CAPN9: variants seen among roughly 807,000 people sequenced by gnomAD.
The protein encoded by CAPN9 is calpain 9.
CAPN9 carries 81 observed loss-of-function variants against 92.8 expected under a neutral mutation model. The observed-to-expected ratio is 0.87, with a 90% CI of 0.73 to 1.05. The LOEUF (loss-of-function observed/expected upper bound fraction) is 1.05. Among genes scored for constraint, CAPN9 ranks in the 50% least tolerant of loss-of-function variants. CAPN9 has a pLI of 0.00. For synonymous variants in CAPN9, 304 were observed against 328.0 expected (o/e 0.93, Z 0.79); for missense variants, 848 against 866.2 (o/e 0.98, Z 0.26).
chr1:230,782,725 G>C (rs1460878053), intron 11 of CAPN9, among the ~76,000 whole-genome samples: 1 of 152,104 alleles, frequency 6.6e-6, no homozygotes, highest in Non-Finnish European at 1.5e-5. Flanking sequence ...GCTTCAAAAG[G>C]TGGTCTTTAG....
intron 6 of CAPN9, among the ~76,000 whole-genome samples, chr1:230,769,835 G>T (rs4847016): frequency 0.27 from 41,589 of 152,016 alleles, 6,149 homozygotes; most frequent in Non-Finnish European, 0.34. Flanking sequence ...CCTTTACAAT[G>T]ACCCAGTTCC....
At chr1:230,788,438 G>T (rs1302450027) in intron 13 of CAPN9, among the ~76,000 whole-genome samples, 1 of 152,124 alleles carries the variant, frequency 6.6e-6, no homozygotes, top group Non-Finnish European at 1.5e-5. Context: ...TGCCCCAGAG[G>T]TGCTCTCTTG....
chr1:230,771,965 C>T, intron 6 of CAPN9, 49 bp from the exon 7 acceptor site: 1 of 1,509,324 alleles, frequency 6.6e-7, no homozygotes, highest in Non-Finnish European at 9.2e-7. Flanking sequence ...GTGGCCAAAC[C>T]TCCACCATAT....
At chr1:230,755,491 C>T (rs562231254) in intron 2 of CAPN9, 85 bp downstream of exon 2, 1 of 1,051,880 alleles carries the variant, frequency 9.5e-7, no homozygotes, top group Non-Finnish European at 1.4e-6. Context: ...TCCCTGAGGA[C>T]CCAAGAGGCA....
chr1:230,796,857 T>G (rs1668391878), intron 18 of CAPN9, among the ~76,000 whole-genome samples: 1 of 152,202 alleles, frequency 6.6e-6, no homozygotes, highest in Non-Finnish European at 1.5e-5. Flanking sequence ...TAGAGGAATA[T>G]TAGGGTGAAG....
chr1:230,773,847 C>T (rs1253808250), intron 7 of CAPN9, among the ~76,000 whole-genome samples: 3 of 152,152 alleles, frequency 2.0e-5, no homozygotes, highest in South Asian at 2.1e-4. Flanking sequence ...GCTGTAGCAC[C>T]GCAACAGTGG....
At chr1:230,800,231 GAAGAAAGAAAGA>G (rs56677043) in intron 19 of CAPN9, among the ~76,000 whole-genome samples, 2,074 of 51,332 alleles carry the variant, frequency 0.04, 48 homozygotes, top group African/African-American at 0.05. Flanking sequence ...AAGAAAGAAA[GAAGAAAGAAAGA>G]AAGAAAGAAA....
intron 7 of CAPN9, among the ~76,000 whole-genome samples, chr1:230,773,059 A>G (rs1464049188): frequency 1.3e-5 from 2 of 152,112 alleles, no homozygotes; most frequent in East Asian, 3.9e-4. Flanking sequence ...AAGCTAGTCT[A>G]GAACTTGGTT....
intron 12 of CAPN9, 98 bp from the exon 13 acceptor site, chr1:230,787,423 TG>T: frequency 1.1e-6 from 1 of 946,208 alleles, no homozygotes; most frequent in Non-Finnish European, 1.7e-6. Context: ...GAGGGTGACA[TG>T]GGGCTGGGCA....
intron 1 of CAPN9, among the ~76,000 whole-genome samples, chr1:230,749,673 T>C (rs925660499): frequency 2.0e-5 from 3 of 152,162 alleles, no homozygotes; most frequent in Non-Finnish European, 4.4e-5. Context: ...GCACTTGATA[T>C]GAAAAGGTTG....
intron 3 of CAPN9, among the ~76,000 whole-genome samples, chr1:230,761,806 G>A (rs1483336974): frequency 6.6e-6 from 1 of 152,162 alleles, no homozygotes; most frequent in Non-Finnish European, 1.5e-5. Context: ...GATACACAGA[G>A]AAACTACCAT....
chr1:230,797,361 A>G (rs12139410), intron 18 of CAPN9, among the ~76,000 whole-genome samples: 82,145 of 151,958 alleles, frequency 0.54, 22,532 homozygotes, highest in Middle Eastern at 0.6. Context: ...TCTTCATACC[A>G]TTTGCACACC....
At chr1:230,791,758 G>A in intron 14 of CAPN9, 106 bp from the exon 15 acceptor site, 5 of 777,592 alleles carry the variant, frequency 6.4e-6, no homozygotes, top group Non-Finnish European at 1.1e-5. Context: ...CCACATCACA[G>A]CCCCCAACAG....
chr1:230,760,957 T>C (rs1055147643), intron 3 of CAPN9, among the ~76,000 whole-genome samples: 7 of 152,174 alleles, frequency 4.6e-5, no homozygotes, highest in African/African-American at 7.2e-5. Context: ...CCCTTGAATG[T>C]CACAGCTGGG....
chr1:230,778,854 C>G, intron 8 of CAPN9, 119 bp from the exon 9 acceptor site: 1 of 935,786 alleles, frequency 1.1e-6, no homozygotes, highest in Non-Finnish European at 1.6e-6. Context: ...AGTCCCCCCA[C>G]TCCTTGCGGA....
At chr1:230,801,528 T>A in intron 19 of CAPN9, 42 bp from the exon 20 acceptor site, 1 of 1,607,112 alleles carries the variant, frequency 6.2e-7, no homozygotes, top group Non-Finnish European at 8.5e-7. Context: ...GGAAGGGACA[T>A]GGAAGGACAA....
Position 230,795,166 on chromosome 1 carries a change from T to G in CAPN9, c.1874T>G (p.Phe625Cys). The G allele has an allele frequency of 6.2e-7, 1 of 1,608,042 alleles. No individual in the cohort carries two copies. Among genetic ancestry groups the G allele is most frequent in the Non-Finnish European group, 8.5e-7 (1 of 1,175,248 alleles). Reference sequence around the variant, plus strand: ...GTCTCCTCCTTTGTCCCCACAGGCTTTCAGCTGAGCAGCCACCTCCTGCAG... The same window carrying G: ...GTCTCCTCCTTTGTCCCCACAGGCTGTCAGCTGAGCAGCCACCTCCTGCAG... ...ELRTALKAAG[F>C]QLSSHLLQLI... is the part of the protein sequence containing the mutation. The change falls in exon 18 of 20, where the codon TTT (phenylalanine) becomes TGT (cysteine). Residue 625 changes from phenylalanine to cysteine, a missense_variant. Phe to Cys is a radical substitution (Grantham distance 205, BLOSUM62 -2). Transcript: ENST00000271971.
intron 13 of CAPN9, among the ~76,000 whole-genome samples, chr1:230,787,825 G>T (rs937136700): frequency 1.3e-5 from 2 of 152,228 alleles, no homozygotes; most frequent in Non-Finnish European, 2.9e-5. Flanking sequence ...TGAGCCCAAA[G>T]AAGCTTGGAA....
At chr1:230,773,043 A>G (rs1306767370) in intron 7 of CAPN9, among the ~76,000 whole-genome samples, 1 of 151,998 alleles carries the variant, frequency 6.6e-6, no homozygotes, top group Non-Finnish European at 1.5e-5. Context: ...CTTCTGGGGA[A>G]ATCTGAAGCT....
Sources: allele counts gnomAD v4.1 joint callset (sites outside exome capture counted in the v4.1 genomes callset), GRCh38; gene constraint gnomAD v4.1.1; transcripts MANE v1.5; gene names NCBI Gene and HGNC (gene_info 2026-07-23, HGNC 2026-07-21).